PCDH7: variants seen among roughly 807,000 people sequenced by gnomAD.
PCDH7 encodes protocadherin 7, also known as protocadherin-7.
PCDH7 carries 17 observed loss-of-function variants against 58.9 expected under a neutral mutation model. The observed-to-expected ratio is 0.29, with a 90% CI of 0.20 to 0.43. The LOEUF (loss-of-function observed/expected upper bound fraction) is 0.43. Ranked by LOEUF, PCDH7 falls within the 20% of genes least tolerant of loss-of-function variation. The pLI is 1.00. For missense variants in PCDH7, 1,274 were observed against 1,441.0 expected (o/e 0.88, Z 1.88); for synonymous variants, 664 against 616.4 (o/e 1.08, Z -1.14).
chr4:31,106,705 A>T (rs759406454), intron 3 of PCDH7, among the ~76,000 whole-genome samples: 3 of 152,192 alleles, frequency 2.0e-5, no homozygotes, highest in Non-Finnish European at 4.4e-5. Context: ...GAAATTATTC[A>T]TAACAGGAAA....
chr4:30,732,265 G>T (rs1715614822), exon 2 of PCDH7: 1 of 152,244 alleles, frequency 6.6e-6, no homozygotes, highest in African/African-American at 2.4e-5. Context: ...TAAGAAACTG[G>T]TGAAAGGAAC....
chr4:31,032,585 G>GTGAT (rs1233406932), intron 3 of PCDH7, among the ~76,000 whole-genome samples: 1 of 146,952 alleles, frequency 6.8e-6, no homozygotes, highest in Non-Finnish European at 1.5e-5. Flanking sequence ...TCCAGCCTGG[G>GTGAT]TGATAGAGTC....
intron 1 of PCDH7, among the ~76,000 whole-genome samples, chr4:30,743,676 T>C (rs1717384804): frequency 6.6e-6 from 1 of 151,844 alleles, no homozygotes; most frequent in Non-Finnish European, 1.5e-5. Flanking sequence ...GAATAAAACA[T>C]AGCATTCTCT....
At chr4:30,765,836 A>T (rs1232738368) in intron 1 of PCDH7, among the ~76,000 whole-genome samples, 3 of 152,188 alleles carry the variant, frequency 2.0e-5, no homozygotes, top group Admixed American at 6.5e-5. Context: ...TTGGATATTC[A>T]GGTTGATTAA....
At chr4:31,012,093 C>A (rs902829787) in intron 3 of PCDH7, among the ~76,000 whole-genome samples, 3 of 151,974 alleles carry the variant, frequency 2.0e-5, no homozygotes, top group African/African-American at 4.8e-5. Flanking sequence ...TCAATAATTT[C>A]TTTTGAAAGT....
chr4:31,050,645 A>G (rs1009732127), intron 3 of PCDH7, among the ~76,000 whole-genome samples: 1 of 152,092 alleles, frequency 6.6e-6, no homozygotes, highest in African/African-American at 2.4e-5. Flanking sequence ...AATTTACTGA[A>G]ATGATATTTA....
At chr4:30,810,562 C>T (rs969583278) in intron 1 of PCDH7, among the ~76,000 whole-genome samples, 8 of 149,964 alleles carry the variant, frequency 5.3e-5, no homozygotes, top group South Asian at 2.1e-4. Flanking sequence ...TTTTAAAAAA[C>T]GTCTTCTCAT....
intron 3 of PCDH7, among the ~76,000 whole-genome samples, chr4:31,006,938 A>AT (rs11371792): frequency 0.53 from 80,070 of 151,534 alleles, 25,104 homozygotes; most frequent in African/African-American, 0.87. Flanking sequence ...ACCTTATAGA[A>AT]TGGCAGAAAA....
At chr4:30,982,047 G>T (rs939908517) in intron 3 of PCDH7, among the ~76,000 whole-genome samples, 1 of 152,120 alleles carries the variant, frequency 6.6e-6, no homozygotes, top group African/African-American at 2.4e-5. Context: ...AAATCACCAA[G>T]AAAGTAGATT....
chr4:30,776,082 TGGA>T (rs1722033640), intron 1 of PCDH7, among the ~76,000 whole-genome samples: 1 of 152,210 alleles, frequency 6.6e-6, no homozygotes, highest in East Asian at 1.9e-4. Flanking sequence ...CATTTTCCTC[TGGA>T]TTTGTTCTTT....
intron 1 of PCDH7, among the ~76,000 whole-genome samples, chr4:30,797,153 G>C (rs1724891371): frequency 6.7e-6 from 1 of 148,200 alleles, no homozygotes; most frequent in South Asian, 2.2e-4. Flanking sequence ...TAGAGATGAG[G>C]TTTCATCATG....
intron 3 of PCDH7, among the ~76,000 whole-genome samples, chr4:31,005,652 A>T (rs910516106): frequency 3.9e-5 from 6 of 152,158 alleles, no homozygotes; most frequent in Admixed American, 3.9e-4. Flanking sequence ...CGGATGAAAG[A>T]TTTTAACCGT....
chr4:30,902,130 A>C (rs1048222434), intron 1 of PCDH7, among the ~76,000 whole-genome samples: 3 of 152,188 alleles, frequency 2.0e-5, no homozygotes, highest in South Asian at 4.1e-4. Flanking sequence ...TTTTAAGTAC[A>C]AACACTTTAT....
intron 3 of PCDH7, among the ~76,000 whole-genome samples, chr4:31,134,358 G>A (rs1188059224): frequency 6.6e-6 from 1 of 152,114 alleles, no homozygotes; most frequent in Non-Finnish European, 1.5e-5. Flanking sequence ...TACTCAGGAG[G>A]CTGAGGCAGG....
chr4:30,742,223 G>A (rs957741492), intron 1 of PCDH7, among the ~76,000 whole-genome samples: 1 of 152,006 alleles, frequency 6.6e-6, no homozygotes, highest in Non-Finnish European at 1.5e-5. Flanking sequence ...CACAAGTCAG[G>A]GCTTCCTAGT....
intron 3 of PCDH7, among the ~76,000 whole-genome samples, chr4:31,122,518 T>C (rs1717813659): frequency 6.6e-6 from 1 of 152,162 alleles, no homozygotes; most frequent in Admixed American, 6.5e-5. Flanking sequence ...TTCTAACTTT[T>C]CCCCCTCTTT....
intron 1 of PCDH7, among the ~76,000 whole-genome samples, chr4:30,763,967 A>G (rs372292652): frequency 4.9e-4 from 75 of 152,344 alleles, no homozygotes; most frequent in Non-Finnish European, 6.2e-4. Context: ...GAAATCTCAC[A>G]TAATTCACTG....
chr4:30,997,830 T>C (rs1189500585), intron 3 of PCDH7, among the ~76,000 whole-genome samples: 1 of 152,164 alleles, frequency 6.6e-6, no homozygotes, highest in Non-Finnish European at 1.5e-5. Context: ...TCTTTTTTTC[T>C]CTTTATTTTT....
chr4:31,083,984 T>G (rs1711970894), intron 3 of PCDH7, among the ~76,000 whole-genome samples: 1 of 152,346 alleles, frequency 6.6e-6, no homozygotes. Context: ...AATCATTTAT[T>G]AAATATCATG....
Sources: allele counts gnomAD v4.1 joint callset (sites outside exome capture counted in the v4.1 genomes callset), GRCh38; gene constraint gnomAD v4.1.1; transcripts MANE v1.5; gene names NCBI Gene and HGNC (gene_info 2026-07-23, HGNC 2026-07-21).